Variants in FRMPD4 observed in about 807,000 individuals in gnomAD.
The protein encoded by FRMPD4 is FERM and PDZ domain-containing protein 4.
A neutral mutation model predicts 94.1 loss-of-function variants in FRMPD4; 22 were observed. That is an observed-to-expected ratio of 0.23 (90% CI 0.17 to 0.33). The LOEUF is 0.33. Among genes scored for constraint, FRMPD4 ranks in the 10% least tolerant of loss-of-function variants. The pLI, the probability that FRMPD4 is intolerant of heterozygous loss-of-function variation, is 1.00. For missense variants in FRMPD4, 1,111 were observed against 1,339.9 expected (o/e 0.83, Z 2.67); for synonymous variants, 631 against 548.6 (o/e 1.15, Z -2.10).
At chrX:12,206,348 G>A (rs969839405) in intron 1 of FRMPD4, among the ~76,000 whole-genome samples, 2 of 111,299 alleles carry the variant, frequency 1.8e-5, no homozygotes, top group African/African-American at 3.3e-5. Context: ...CTTTTTTGGG[G>A]AGGAGGGGGC....
intron 1 of FRMPD4, among the ~76,000 whole-genome samples, chrX:12,463,694 T>TTG (rs2057418714): frequency 7.2e-5 from 7 of 96,688 alleles, no homozygotes; most frequent in Admixed American, 1.2e-4. Context: ...TTTTTTTTGT[T>TTG]TTTGTTTTTT....
chrX:12,335,940 A>G (rs908474585), intron 1 of FRMPD4, among the ~76,000 whole-genome samples: 1 of 112,295 alleles, frequency 8.9e-6, no homozygotes, highest in African/African-American at 3.2e-5. Flanking sequence ...AGAAGCATTG[A>G]CTGCACCTTT....
intron 1 of FRMPD4, among the ~76,000 whole-genome samples, chrX:12,473,129 A>T (rs1475964217): frequency 7.2e-5 from 8 of 111,073 alleles, no homozygotes; most frequent in African/African-American, 2.4e-4. Context: ...CAGAAACTCT[A>T]CAAGCCAGAA....
intron 1 of FRMPD4, among the ~76,000 whole-genome samples, chrX:12,301,188 T>G (rs1409848341): frequency 9.0e-6 from 1 of 111,504 alleles, no homozygotes; most frequent in African/African-American, 3.3e-5. Context: ...CCTCCCTGAC[T>G]CACTACAGCT....
At chrX:12,396,933 A>G (rs1388499185) in intron 1 of FRMPD4, among the ~76,000 whole-genome samples, 1 of 112,021 alleles carries the variant, frequency 8.9e-6, no homozygotes, top group Non-Finnish European at 1.9e-5. Context: ...TACTTAAAGC[A>G]TCCTCAGTGG....
chrX:12,348,128 T>C (rs976928757), intron 1 of FRMPD4, among the ~76,000 whole-genome samples: 3 of 112,247 alleles, frequency 2.7e-5, no homozygotes, highest in African/African-American at 9.7e-5. Flanking sequence ...CTTATTTCTA[T>C]ATCATCACTT....
At chrX:12,584,386 A>G (rs1164877268) in intron 2 of FRMPD4, among the ~76,000 whole-genome samples, 1 of 111,617 alleles carries the variant, frequency 9.0e-6, no homozygotes, top group African/African-American at 3.3e-5. Flanking sequence ...ACGGCTTCTT[A>G]AGGCGGACCT....
chrX:12,231,021 A>ATGTG (rs1218024088), intron 1 of FRMPD4, among the ~76,000 whole-genome samples: 1 of 51,809 alleles, frequency 1.9e-5, no homozygotes, highest in African/African-American at 7.4e-5. Flanking sequence ...TATATATAGT[A>ATGTG]TATATATAGT....
chrX:12,199,237 A>ATGTGTG (rs5901464), intron 1 of FRMPD4, among the ~76,000 whole-genome samples: 7,381 of 91,147 alleles, frequency 0.081, 278 homozygotes, highest in African/African-American at 0.12. Flanking sequence ...AGAAAGGAAA[A>ATGTGTG]TGTGTGTGTG....
At chrX:12,675,424 TA>T (rs61184913) in intron 5 of FRMPD4, among the ~76,000 whole-genome samples, 26,248 of 89,513 alleles carry the variant, frequency 0.29, 3,498 homozygotes, top group East Asian at 0.56. Flanking sequence ...TCTTGTGATT[TA>T]AAAAAAAAAA....
intron 1 of FRMPD4, among the ~76,000 whole-genome samples, chrX:12,483,334 C>T (rs1487666609): frequency 9.0e-6 from 1 of 111,718 alleles, no homozygotes; most frequent in Non-Finnish European, 1.9e-5. Context: ...GGATGGGTAG[C>T]CAATGTCATT....
At chrX:11,953,802 A>T (rs2054239761) in intron 3 of FRMPD4, among the ~76,000 whole-genome samples, 1 of 112,062 alleles carries the variant, frequency 8.9e-6, no homozygotes, top group African/African-American at 3.2e-5. Flanking sequence ...ATTGGCAGGC[A>T]TTTTATCCAG....
intron 1 of FRMPD4, among the ~76,000 whole-genome samples, chrX:12,146,265 G>A (rs916495725): frequency 1.8e-5 from 2 of 110,587 alleles, no homozygotes; most frequent in African/African-American, 3.3e-5. Context: ...TCGGGAGGCT[G>A]AGGCAGGAGA....
At chrX:12,522,948 GCT>G (rs746752409) in intron 2 of FRMPD4, among the ~76,000 whole-genome samples, 1 of 111,779 alleles carries the variant, frequency 8.9e-6, no homozygotes, top group African/African-American at 3.3e-5. Context: ...TTCCTTCTAT[GCT>G]CTCTTAAGCC....
At chrX:11,968,394 G>C (rs746198540) in intron 3 of FRMPD4, among the ~76,000 whole-genome samples, 1 of 111,808 alleles carries the variant, frequency 8.9e-6, no homozygotes, top group Non-Finnish European at 1.9e-5. Flanking sequence ...GGCCAAAGAG[G>C]AGTCTCAGAA....
At chrX:12,550,215 A>C (rs2058518853) in intron 2 of FRMPD4, among the ~76,000 whole-genome samples, 1 of 111,668 alleles carries the variant, frequency 9.0e-6, no homozygotes, top group Admixed American at 9.6e-5. Flanking sequence ...GTGTAATTAC[A>C]CATTGGAAAG....
chrX:11,853,739 G>A (rs1304857144), intron 1 of FRMPD4, among the ~76,000 whole-genome samples: 1 of 111,633 alleles, frequency 9.0e-6, no homozygotes, highest in Admixed American at 9.5e-5. Flanking sequence ...GTAATAAATA[G>A]CCTACCAACC....
At chrX:12,316,923 A>G (rs1376114204) in intron 1 of FRMPD4, among the ~76,000 whole-genome samples, 2 of 111,955 alleles carry the variant, frequency 1.8e-5, no homozygotes, top group African/African-American at 6.5e-5. Flanking sequence ...CATTATTGAA[A>G]ATGGCATGTA....
chrX:12,237,251 A>AT (rs60142669), intron 1 of FRMPD4, among the ~76,000 whole-genome samples: 43 of 108,624 alleles, frequency 4.0e-4, no homozygotes, highest in African/African-American at 7.3e-4. Context: ...AAGTACAGAA[A>AT]TTTTTTTTTT....
Sources: gnomAD v4.1 joint callset for allele counts (sites outside exome capture counted in the v4.1 genomes callset) on GRCh38, gnomAD v4.1.1 for gene constraint, MANE v1.5 for transcripts, NCBI Gene and HGNC (gene_info 2026-07-23, HGNC 2026-07-21) for gene names.